The following GPR176 variants were observed in gnomAD, a reference collection of about 807,000 sequenced individuals.
The protein encoded by GPR176 is G protein-coupled receptor 176.
In GPR176, 26 loss-of-function variants were observed where a neutral mutation model predicts 35.4. The observed-to-expected ratio is 0.74, with a 90% CI of 0.54 to 1.02. The LOEUF (loss-of-function observed/expected upper bound fraction) is 1.02, where lower values mean the gene tolerates loss of function less well. Ranked by LOEUF, GPR176 falls within the 50% of genes least tolerant of loss-of-function variation. GPR176 has a pLI of 0.00. For synonymous variants in GPR176, 278 were observed against 271.3 expected (o/e 1.02, Z -0.24); for missense variants, 597 against 665.3 (o/e 0.90, Z 1.13).
chr15:39,831,442 TGC>T (rs1901070100), intron 1 of GPR176, among the ~76,000 whole-genome samples: 2 of 152,160 alleles, frequency 1.3e-5, no homozygotes, highest in Non-Finnish European at 2.9e-5. Flanking sequence ...TCCCCATGGA[TGC>T]CTCACAGACA....
intron 1 of GPR176, among the ~76,000 whole-genome samples, chr15:39,895,395 A>C (rs548864408): frequency 6.6e-6 from 1 of 152,222 alleles, no homozygotes; most frequent in African/African-American, 2.4e-5. Context: ...TTTGTGCAAC[A>C]TAAGATTTGA....
chr15:39,862,515 A>G (rs1396197393), intron 1 of GPR176: 1 of 152,206 alleles, frequency 6.6e-6, no homozygotes, highest in African/African-American at 2.4e-5. Context: ...CAACAATTCT[A>G]TAAATACAGT....
intron 1 of GPR176, among the ~76,000 whole-genome samples, chr15:39,841,936 A>G (rs1229748581): frequency 6.6e-6 from 1 of 152,160 alleles, no homozygotes; most frequent in Non-Finnish European, 1.5e-5. Flanking sequence ...AACTTAATAC[A>G]TTAAGATTAA....
intron 1 of GPR176, among the ~76,000 whole-genome samples, chr15:39,881,778 C>T (rs2032485499): frequency 6.6e-6 from 1 of 152,260 alleles, no homozygotes; most frequent in Middle Eastern, 3.4e-3. Context: ...CAACAAAAAT[C>T]CTAGACCTCA....
chr15:39,826,955 A>T (rs1900700758), intron 1 of GPR176, among the ~76,000 whole-genome samples: 1 of 152,178 alleles, frequency 6.6e-6, no homozygotes, highest in South Asian at 2.1e-4. Flanking sequence ...AAGCATCCTT[A>T]TATGTTTTGG....
At chr15:39,838,208 T>C (rs1241737891) in intron 1 of GPR176, among the ~76,000 whole-genome samples, 4 of 152,088 alleles carry the variant, frequency 2.6e-5, no homozygotes, top group Admixed American at 6.6e-5. Context: ...GAATTAAATC[T>C]ACAAAGCTAA....
chr15:39,907,989 A>G (rs542519638), intron 1 of GPR176, among the ~76,000 whole-genome samples: 1 of 152,310 alleles, frequency 6.6e-6, no homozygotes, highest in Non-Finnish European at 1.5e-5. Context: ...TGTCTCAAAA[A>G]CAAAAACAAA....
At chr15:39,919,714 C>A in intron 1 of GPR176, 141 bp downstream of exon 1, 1 of 561,318 alleles carries the variant, frequency 1.8e-6, no homozygotes, top group African/African-American at 2.0e-5. Context: ...CTGCAGCTAC[C>A]CGGGATCCTT....
chr15:39,830,779 C>T (rs1261966370), intron 1 of GPR176, among the ~76,000 whole-genome samples: 1 of 152,116 alleles, frequency 6.6e-6, no homozygotes, highest in Non-Finnish European at 1.5e-5. Context: ...TTAAATAATA[C>T]TTGATTGTAA....
At chr15:39,835,901 C>T (rs1173641065) in intron 1 of GPR176, among the ~76,000 whole-genome samples, 1 of 152,070 alleles carries the variant, frequency 6.6e-6, no homozygotes, top group Non-Finnish European at 1.5e-5. Flanking sequence ...TCGATAATAG[C>T]CTGGTCAACA....
chr15:39,849,332 T>C (rs2030690055), intron 1 of GPR176, among the ~76,000 whole-genome samples: 2 of 152,156 alleles, frequency 1.3e-5, no homozygotes, highest in Admixed American at 6.5e-5. Flanking sequence ...CAGGTCCAGA[T>C]AGTGTTACTG....
At chr15:39,884,154 T>G (rs1175287771) in intron 1 of GPR176, among the ~76,000 whole-genome samples, 1 of 152,242 alleles carries the variant, frequency 6.6e-6, no homozygotes, top group Non-Finnish European at 1.5e-5. Flanking sequence ...GGGGTCACAC[T>G]AACTTGTTGG....
At chr15:39,879,597 G>A (rs2032393966) in intron 1 of GPR176, among the ~76,000 whole-genome samples, 1 of 152,012 alleles carries the variant, frequency 6.6e-6, no homozygotes, top group Non-Finnish European at 1.5e-5. Flanking sequence ...TGGACCCTCT[G>A]CAACTTGTTG....
At chr15:39,870,189 C>T (rs570406108) in intron 1 of GPR176, among the ~76,000 whole-genome samples, 2 of 152,294 alleles carry the variant, frequency 1.3e-5, no homozygotes, top group South Asian at 4.1e-4. Context: ...CCTCCCTGTG[C>T]CTCGCTCTCA....
At chr15:39,912,358 T>C (rs1162986194) in intron 1 of GPR176, among the ~76,000 whole-genome samples, 1 of 151,982 alleles carries the variant, frequency 6.6e-6, no homozygotes, top group Non-Finnish European at 1.5e-5. Flanking sequence ...GGCTCACACC[T>C]GTAATCCCAG....
chr15:39,919,961 C>G lies in GPR176; in HGVS notation c.66G>C (p.Glu22Asp), dbSNP rs1210505147. The G allele has an allele frequency of 6.7e-7, 1 of 1,488,668 alleles. No homozygotes were observed. Among genetic ancestry groups the G allele is most frequent in the Non-Finnish European group, 8.9e-7 (1 of 1,119,998 alleles). The allele number at this position is 1,488,668 out of a possible 1,614,324, so 92.2% of individuals were successfully genotyped here. ...ASEPHNASGA[E>D]AAGVNRSALG... Reference sequence around the variant, plus strand: ...GCGCGCTGCGGTTCACACCCGCAGCCTCGGCGCCGGACGCGTTGTGCGGCT... The same window carrying G: ...GCGCGCTGCGGTTCACACCCGCAGCGTCGGCGCCGGACGCGTTGTGCGGCT... Residue 22 changes from glutamate (E) to aspartate (D), a missense_variant, in exon 1 of 3, where the codon GAG (glutamate) becomes GAC (aspartate). This residue lies in a region of GPR176 where 126 missense variants were observed against 112.4 expected (regional missense o/e 1.12). Coordinates refer to ENST00000561100, the MANE Select transcript of GPR176 (RefSeq NM_007223.3).
In GPR176 at chr15:39,806,933, T is replaced by G. The variant is rs555533562; in HGVS notation, c.425+73A>C. On this transcript the variant is annotated intron_variant, in intron 2 of 2. Transcript: ENST00000561100. ...CAGTATACGGAACATTGACTACTCA[T>G]CATTTGCTTCATGATGCTAATTTTT... is the stretch of plus-strand genomic sequence containing the variant. The G allele has an allele frequency of 1.7e-5, 23 of 1,389,376 alleles. No homozygotes were observed. The South Asian group carries it at 2.6e-4, about 16-fold the overall frequency. 86.1% of individuals were successfully genotyped at this position (1,389,376 alleles called of 1,614,324 possible).
chr15:39,801,572 GGA>G lies in GPR176; in HGVS notation c.1106_1107del (p.Leu369ProfsTer13). On this transcript the variant is annotated frameshift_variant, in exon 3 of 3. Transcript: ENST00000561100. LOFTEE classifies it high-confidence loss of function. ...LEPSIRSGSQ[L>X]LEMFHIGQQQ... ...TGCTGCCCAATGTGGAACATCTCCA[GGA>G]GCTGGCTACCCGAGCGTATGCTGGG... 6.2e-7 allele frequency: 1 copy of G among 1,614,146 alleles called. No homozygotes were observed. The highest frequency in any genetic ancestry group is 8.5e-7 in the Non-Finnish European group (1 of 1,179,980).
intron 1 of GPR176, among the ~76,000 whole-genome samples, chr15:39,841,574 G>A (rs2029993974): frequency 6.6e-6 from 1 of 152,110 alleles, no homozygotes; most frequent in Admixed American, 6.6e-5. Context: ...TCTATAAGCT[G>A]AGGAATGCCA....
Sources: gnomAD v4.1 joint callset for allele counts (sites outside exome capture counted in the v4.1 genomes callset) on GRCh38, gnomAD v4.1.1 for gene constraint, gnomAD v4.1.1 regional missense constraint, MANE v1.5 for transcripts, NCBI Gene and HGNC (gene_info 2026-07-23, HGNC 2026-07-21) for gene names.